The following FAT3 variants were observed in gnomAD, a reference collection of about 807,000 sequenced individuals.
FAT3 encodes the protein FAT atypical cadherin 3, also known as protocadherin Fat 3.
In FAT3, 95 loss-of-function variants were observed where a neutral mutation model predicts 310.2. The observed-to-expected ratio is 0.31, with a 90% CI of 0.26 to 0.36. The LOEUF is 0.36. FAT3 is among the 10% of genes least tolerant of loss of function. The pLI is 1.00. For missense variants in FAT3, 5,408 were observed against 5,715.6 expected, an observed-to-expected ratio of 0.95 and a Z score of 1.74; for synonymous variants, 2,314 against 2,192.9, an observed-to-expected ratio of 1.06 and a Z score of -1.54.
rs1176315443 is a variant in FAT3, at chr11:92,821,342, T to C, written c.9482-10280T>C. Among the ~76,000 whole-genome samples, 17 of 152,244 alleles carry C rather than the reference T, an allele frequency of 1.1e-4. 1 individual carries two copies. Among genetic ancestry groups the C allele is most frequent in the Admixed American group, 7.9e-4 (12 of 15,286 alleles). On this transcript the variant is annotated intron_variant, in intron 13 of 27. Coordinates refer to ENST00000525166, the MANE Select transcript of FAT3 (RefSeq NM_001367949.2). ...AAAATGTTTTGAAAGAGATTGATTC[T>C]ATTCTGATTTCAGCCTGTTTTCTCT...
intron 19 of FAT3, among the ~76,000 whole-genome samples, chr11:92,853,336 G>A (rs1314476221): frequency 6.6e-6 from 1 of 152,248 alleles, no homozygotes; most frequent in African/African-American, 2.4e-5. Context: ...CTTGCATCCG[G>A]ACATGCAGAA....
chr11:92,364,435 C>G (rs144954966), intron 2 of FAT3, among the ~76,000 whole-genome samples: 1 of 152,168 alleles, frequency 6.6e-6, no homozygotes, highest in African/African-American at 2.4e-5. Flanking sequence ...CTTCAGATAG[C>G]TTGCATCTCA....
intron 2 of FAT3, among the ~76,000 whole-genome samples, chr11:92,399,249 T>A (rs1014849925): frequency 1.1e-4 from 17 of 152,350 alleles, no homozygotes; most frequent in African/African-American, 4.1e-4. Context: ...TCAGACATCA[T>A]GTTTCTTGCA....
chr11:92,577,610 A>G (rs997707086), intron 3 of FAT3, among the ~76,000 whole-genome samples: 34 of 152,188 alleles, frequency 2.2e-4, no homozygotes, highest in African/African-American at 8.2e-4. Context: ...CAAATATACA[A>G]TATATTATTA....
At chr11:92,626,911 G>A (rs1941361975) in intron 3 of FAT3, among the ~76,000 whole-genome samples, 1 of 152,088 alleles carries the variant, frequency 6.6e-6, no homozygotes. Context: ...CTCCAACCCA[G>A]TAAGAGCCAT....
chr11:92,626,102 C>G (rs777669871), intron 3 of FAT3, among the ~76,000 whole-genome samples: 44 of 152,238 alleles, frequency 2.9e-4, no homozygotes, highest in Non-Finnish European at 5.9e-4. Flanking sequence ...TGGAACGTGA[C>G]CAAGTATTAC....
chr11:92,456,911 A>G (rs1591314622), intron 2 of FAT3, among the ~76,000 whole-genome samples: 1 of 152,274 alleles, frequency 6.6e-6, no homozygotes, highest in East Asian at 1.9e-4. Flanking sequence ...ATGACCATGG[A>G]TGCCTGGGTA....
At chr11:92,759,312 A>G (rs1317441806) in intron 4 of FAT3, among the ~76,000 whole-genome samples, 2 of 152,246 alleles carry the variant, frequency 1.3e-5, no homozygotes, top group Non-Finnish European at 2.9e-5. Context: ...GAGAGCAGTG[A>G]GAAAACAAGC....
At chr11:92,612,700 A>C (rs1299789724) in intron 3 of FAT3, among the ~76,000 whole-genome samples, 3 of 152,202 alleles carry the variant, frequency 2.0e-5, no homozygotes, top group Non-Finnish European at 4.4e-5. Flanking sequence ...CATATAATTA[A>C]ATAAAATACG....
chr11:92,856,046 T>A (rs1474207633), intron 19 of FAT3, among the ~76,000 whole-genome samples: 1 of 144,106 alleles, frequency 6.9e-6, no homozygotes, highest in Non-Finnish European at 1.5e-5. Flanking sequence ...AGTGGCATAA[T>A]CATAGCTCAC....
intron 22 of FAT3, among the ~76,000 whole-genome samples, chr11:92,873,390 C>T (rs951585449): frequency 5.5e-4 from 83 of 152,270 alleles, no homozygotes; most frequent in African/African-American, 1.8e-3. Flanking sequence ...CTTCAGATCC[C>T]AGGTGCTACT....
chr11:92,464,311 G>T (rs74568535), intron 2 of FAT3, among the ~76,000 whole-genome samples: 5,499 of 152,216 alleles, frequency 0.036, 312 homozygotes, highest in African/African-American at 0.11. Flanking sequence ...TGGCATGTAG[G>T]TCCCTCTGGG....
chr11:92,354,201 C>T lies in FAT3; in HGVS notation c.2089C>T (p.Leu697Phe), dbSNP rs753590352. The T allele has an allele frequency of 2.5e-6, 4 of 1,613,694 alleles. No homozygotes were observed. In the East Asian group the frequency reaches 6.7e-5, roughly 27 times the overall value. The change falls in exon 2 of 28, where the codon CTC becomes TTC. Residue 697 changes from leucine to phenylalanine, a missense_variant. Leu to Phe is a conservative substitution (Grantham distance 22). Coordinates refer to ENST00000525166, the MANE Select transcript of FAT3 (RefSeq NM_001367949.2). ...GGCTCAAAAGCTGGCAGAGAAACTA[C>T]TCATTAAGGCAAAAGCAAATGGGAA... ...RVAQKLAEKL[L>F]IKAKANGKLN...
At chr11:92,315,430 A>G (rs1347575107) in intron 1 of FAT3, among the ~76,000 whole-genome samples, 1 of 145,928 alleles carries the variant, frequency 6.9e-6, no homozygotes, top group Non-Finnish European at 1.5e-5. Flanking sequence ...TGGTTAGTCA[A>G]ACCTCAGTGT....
chr11:92,594,072 G>C (rs1398204868), intron 3 of FAT3, among the ~76,000 whole-genome samples: 2 of 152,278 alleles, frequency 1.3e-5, no homozygotes, highest in Admixed American at 1.3e-4. Flanking sequence ...ACCAGAACCA[G>C]AGTCAGGACT....
At chr11:92,577,888 A>G (rs1481963382) in intron 3 of FAT3, among the ~76,000 whole-genome samples, 1 of 152,030 alleles carries the variant, frequency 6.6e-6, no homozygotes, top group Middle Eastern at 3.2e-3. Context: ...TTGTGGGAAA[A>G]AAGGGAGAGA....
At chr11:92,631,850 G>A (rs1206751268) in intron 3 of FAT3, among the ~76,000 whole-genome samples, 1 of 152,076 alleles carries the variant, frequency 6.6e-6, no homozygotes, top group African/African-American at 2.4e-5. Flanking sequence ...CAGTGACTTG[G>A]GAAAATGGAG....
intron 3 of FAT3, among the ~76,000 whole-genome samples, chr11:92,613,928 A>G (rs1226096874): frequency 6.6e-6 from 1 of 152,208 alleles, no homozygotes; most frequent in Non-Finnish European, 1.5e-5. Flanking sequence ...AGACTTCAGC[A>G]ACCATATGTC....
intron 4 of FAT3, among the ~76,000 whole-genome samples, chr11:92,698,976 T>G (rs369889924): frequency 1.1e-4 from 16 of 152,320 alleles, no homozygotes; most frequent in African/African-American, 3.6e-4. Flanking sequence ...TCAGGAGGTT[T>G]GTGGTGCAGT....
Sources: gnomAD v4.1 joint callset for allele counts (sites outside exome capture counted in the v4.1 genomes callset) on GRCh38, gnomAD v4.1.1 for gene constraint, MANE v1.5 for transcripts, NCBI Gene and HGNC (gene_info 2026-07-23, HGNC 2026-07-21) for gene names.